The following PTH2R variants were observed in gnomAD, a reference collection of about 807,000 sequenced individuals.
The protein encoded by PTH2R is parathyroid hormone 2 receptor.
A neutral mutation model predicts 60.3 loss-of-function variants in PTH2R; 59 were observed. That is an observed-to-expected ratio of 0.98 (90% confidence interval 0.79 to 1.22). The LOEUF (loss-of-function observed/expected upper bound fraction) is 1.22, where lower values mean the gene tolerates loss of function less well. PTH2R is among the 50% of genes most tolerant of loss of function. The probability of loss-of-function intolerance (pLI) is 0.00; values close to 1 mark genes in which losing one functional copy is unlikely to be tolerated. For missense variants in PTH2R, 749 were observed against 682.6 expected (o/e 1.10, Z -1.08); for synonymous variants, 256 against 243.8 (o/e 1.05, Z -0.47).
Position 208,489,090 on chromosome 2 carries a change from C to A in PTH2R, c.1155C>A (p.Ser385=). 6.2e-7 allele frequency: 1 copy of A among 1,614,144 alleles called. No homozygotes were observed. The highest frequency in any genetic ancestry group is 8.5e-7 in the Non-Finnish European group (1 of 1,180,018). The stretch of plus-strand genomic sequence containing the variant: ...TCGTGTTCGTATGCCTGCCTCACTC[C>A]TTCACTGGGCTCGGGTGGGAGATCC... The part of the protein sequence containing the change: ...HYIVFVCLPH[S]FTGLGWEIRM... The change falls in exon 11 of 13, where the codon TCC becomes TCA. Residue 385 remains serine, a synonymous_variant. Coordinates refer to ENST00000272847, the MANE Select transcript of PTH2R (RefSeq NM_005048.4).
chr2:208,407,720 C>T (rs1701446441), intron 1 of PTH2R, among the ~76,000 whole-genome samples: 1 of 151,996 alleles, frequency 6.6e-6, no homozygotes, highest in Non-Finnish European at 1.5e-5. Flanking sequence ...AATGAAGCCT[C>T]TTTAATGTGC....
At chr2:208,465,223 G>A (rs1032348906) in intron 9 of PTH2R, among the ~76,000 whole-genome samples, 3 of 151,722 alleles carry the variant, frequency 2.0e-5, no homozygotes, top group Non-Finnish European at 4.4e-5. Context: ...CAATCCACTC[G>A]CCTCTGCCTC....
In PTH2R at chr2:208,423,711, G is replaced by A. The variant is rs571111498; in HGVS notation, c.76-4490G>A. On this transcript the variant is annotated intron_variant, in intron 1 of 12. Coordinates refer to ENST00000272847, the MANE Select transcript of PTH2R (RefSeq NM_005048.4). ...GGTTGAAGTTTCCAGTTGTAGTAGT[G>A]GATTTGTTTATCTCTTCTTTCATTC... Among the ~76,000 whole-genome samples the A allele has an allele frequency of 1.9e-3, 282 of 152,132 alleles. 3 individuals are homozygous for A. Among genetic ancestry groups the A allele is most frequent in the African/African-American group, 6.7e-3 (276 of 41,480 alleles).
At chr2:208,377,851 T>G (rs4268882) in intron 1 of PTH2R, among the ~76,000 whole-genome samples, 149,619 of 150,768 alleles carry the variant, frequency 0.99, 74,252 homozygotes, top group East Asian at 1. Context: ...TTCCTAGACG[T>G]GATGGTGGCC....
chr2:208,427,724 G>C (rs188323469), intron 1 of PTH2R, among the ~76,000 whole-genome samples: 199 of 152,136 alleles, frequency 1.3e-3, no homozygotes, highest in African/African-American at 4.8e-3. Flanking sequence ...GATAAATACA[G>C]ATGGTTTCTT....
chr2:208,362,537 G>A (rs1303936630), intron 1 of PTH2R, among the ~76,000 whole-genome samples: 2 of 152,036 alleles, frequency 1.3e-5, no homozygotes, highest in Non-Finnish European at 2.9e-5. Context: ...TATCATAGAT[G>A]CAGAGATATC....
intron 1 of PTH2R, among the ~76,000 whole-genome samples, chr2:208,421,689 C>T (rs772932325): frequency 2.0e-5 from 3 of 152,068 alleles, no homozygotes; most frequent in Non-Finnish European, 4.4e-5. Flanking sequence ...GAATCACACT[C>T]GTGAGAGTGA....
At chr2:208,387,426 T>G (rs1050312710) in intron 1 of PTH2R, among the ~76,000 whole-genome samples, 2 of 152,140 alleles carry the variant, frequency 1.3e-5, no homozygotes, top group African/African-American at 4.8e-5. Flanking sequence ...GACTTAGAAC[T>G]TTGCACTCAC....
intron 1 of PTH2R, among the ~76,000 whole-genome samples, chr2:208,420,069 G>A (rs779206178): frequency 1.2e-4 from 18 of 152,014 alleles, no homozygotes; most frequent in Non-Finnish European, 1.0e-4. Flanking sequence ...CTCACTTATA[G>A]GTGGGAATTG....
intron 7 of PTH2R, among the ~76,000 whole-genome samples, chr2:208,448,075 A>G (rs1574882149): frequency 6.6e-6 from 1 of 152,196 alleles, no homozygotes; most frequent in South Asian, 2.1e-4. Flanking sequence ...CATCTTACAT[A>G]GAATATTTTC....
intron 1 of PTH2R, among the ~76,000 whole-genome samples, chr2:208,386,392 G>A (rs976907863): frequency 1.3e-5 from 2 of 152,176 alleles, no homozygotes; most frequent in African/African-American, 4.8e-5. Context: ...CATATCTTGT[G>A]TACTGTATCT....
intron 1 of PTH2R, among the ~76,000 whole-genome samples, chr2:208,363,819 G>A (rs1035525407): frequency 1.3e-5 from 2 of 152,126 alleles, no homozygotes; most frequent in African/African-American, 2.4e-5. Flanking sequence ...GTCTTCTTTT[G>A]AGAAGTGTCT....
At chr2:208,409,317 T>A (rs530320177) in intron 1 of PTH2R, among the ~76,000 whole-genome samples, 2 of 152,322 alleles carry the variant, frequency 1.3e-5, no homozygotes, top group African/African-American at 4.8e-5. Context: ...TAAGTCTTGG[T>A]TTATTACTTT....
Position 208,388,006 on chromosome 2 carries a change from A to G in PTH2R, c.-259+27769A>G, listed in dbSNP as rs546587880. On this transcript the variant is annotated intron_variant, in intron 1 of 12. Coordinates refer to the PTH2R transcript ENST00000617735. ...TGGATGGAATAATAAATTAACTAGCATGGCTTAAAACTTCACACTTCAGCC... is the reference window on the plus strand; with the variant it reads ...TGGATGGAATAATAAATTAACTAGCGTGGCTTAAAACTTCACACTTCAGCC... Among the ~76,000 whole-genome samples, 4 of 152,180 alleles carry G rather than the reference A, an allele frequency of 2.6e-5. No homozygotes were observed. The South Asian group carries it at 8.3e-4, about 32-fold the overall frequency.
intron 8 of PTH2R, 148 bp from the exon 9 acceptor site, chr2:208,459,747 T>A (rs1306509445): frequency 1.5e-6 from 1 of 672,184 alleles, no homozygotes; most frequent in Non-Finnish European, 2.6e-6. Flanking sequence ...CCCCACTGGC[T>A]TGGGTGTTTT....
intron 1 of PTH2R, among the ~76,000 whole-genome samples, chr2:208,384,336 G>T (rs1439577247): frequency 6.6e-6 from 1 of 152,170 alleles, no homozygotes; most frequent in African/African-American, 2.4e-5. Flanking sequence ...TAAGAATAGG[G>T]CATGACAGTG....
rs1553540983 is a variant in PTH2R at position 208,388,132 on chromosome 2, A to ACCGC, written c.-259+27897_-259+27898insGCCC. ...AGACCATTCTGGCTAACATGGTGAAACCCCCCCCCCCGTCTCTACTAAAAA... is the reference window on the plus strand; with the variant it reads ...AGACCATTCTGGCTAACATGGTGAAACCGCCCCCCCCCCCCGTCTCTACTAAAAA... On this transcript the variant is annotated intron_variant, in intron 1 of 12. Transcript: ENST00000617735. 3.8e-5 allele frequency among the ~76,000 whole-genome samples: 5 copies of ACCGC among 131,406 alleles called. No homozygotes were observed. In the East Asian group the frequency reaches 1.1e-3, roughly 30 times the overall value. 86.2% of individuals were successfully genotyped at this position (131,406 alleles called of 152,430 possible). A position where few individuals can be genotyped will look rare whatever the true frequency, so the allele number is the denominator to read the frequency against.
chr2:208,377,336 T>G (rs1458396891), intron 1 of PTH2R, among the ~76,000 whole-genome samples: 1 of 152,072 alleles, frequency 6.6e-6, no homozygotes, highest in Non-Finnish European at 1.5e-5. Flanking sequence ...CCTTTCCTAT[T>G]CCACAAAAAC....
intron 12 of PTH2R, 123 bp from the exon 13 acceptor site, chr2:208,493,141 G>T: frequency 1.9e-6 from 2 of 1,066,580 alleles, no homozygotes; most frequent in Non-Finnish European, 2.5e-6. Flanking sequence ...AAAGTCCCTG[G>T]CACGTAGAGG....
Sources: gnomAD v4.1 joint callset for allele counts (sites outside exome capture counted in the v4.1 genomes callset) on GRCh38, gnomAD v4.1.1 for gene constraint, MANE v1.5 for transcripts, NCBI Gene and HGNC (gene_info 2026-07-23, HGNC 2026-07-21) for gene names.